Variants in PPIP5K2 observed in about 807,000 individuals in gnomAD.
The protein encoded by PPIP5K2 is inositol hexakisphosphate and diphosphoinositol-pentakisphosphate kinase 2.
A neutral mutation model predicts 154.6 loss-of-function variants in PPIP5K2; 105 were observed. That is an observed-to-expected ratio of 0.68 (90% CI 0.58 to 0.80). The LOEUF is 0.80. Among genes scored for constraint, PPIP5K2 ranks in the 30% least tolerant of loss-of-function variants. The pLI is 0.00. For missense variants in PPIP5K2, 992 were observed against 1,504.6 expected (o/e 0.66, Z 5.64); for synonymous variants, 480 against 490.3 (o/e 0.98, Z 0.28).
intron 30 of PPIP5K2, 30 bp from the exon 31 acceptor site, chr5:103,201,492 G>GT (rs371804029): frequency 0.053 from 56,547 of 1,076,864 alleles, no homozygotes; most frequent in South Asian, 0.12. Context: ...TTAAGCAATA[G>GT]TTTTTTTTTT....
chr5:103,187,528 A>G (rs78288429), intron 28 of PPIP5K2, among the ~76,000 whole-genome samples, 152 bp downstream of exon 28: 2 of 152,116 alleles, frequency 1.3e-5, no homozygotes, highest in East Asian at 3.8e-4. Flanking sequence ...CACCCAAATT[A>G]TTGATACTGT....
intron 18 of PPIP5K2, 118 bp from the exon 19 acceptor site, chr5:103,167,953 TC>T: frequency 1.6e-6 from 1 of 631,126 alleles, no homozygotes; most frequent in Non-Finnish European, 2.6e-6. Flanking sequence ...AAAGTAACTC[TC>T]TAACTTCATA....
Position 103,209,446 on chromosome 5 carries a change from C to T in PPIP5K2, c.*7812C>T, listed in dbSNP as rs1554232467. On this transcript the variant is annotated 3_prime_UTR_variant, in exon 31 of 31. Coordinates refer to ENST00000358359, the MANE Select transcript of PPIP5K2 (RefSeq NM_001276277.3). ...AATAAAATCAAGGATACCATCCCAC[C>T]CACCTATCTTACATTTTGTGTGGTA... is the stretch of plus-strand genomic sequence containing the variant. 1 of 151,946 alleles carries T rather than the reference C, an allele frequency of 6.6e-6. No homozygotes were observed. The highest frequency in any genetic ancestry group is 2.4e-5 in the African/African-American group (1 of 41,380). The allele number at this position is 151,946 out of a possible 1,614,324, so 9.4% of individuals were successfully genotyped here.
At chr5:103,142,514 C>T (rs550581120) in intron 5 of PPIP5K2, among the ~76,000 whole-genome samples, 1 of 152,256 alleles carries the variant, frequency 6.6e-6, no homozygotes, top group Non-Finnish European at 1.5e-5. Flanking sequence ...AAGGGCTCCT[C>T]AAGCGCCGCC....
chr5:103,147,993 A>C lies in PPIP5K2; in HGVS notation c.705A>C (p.Ile235=), dbSNP rs781794858. 6.2e-7 allele frequency: 1 copy of C among 1,602,296 alleles called. No homozygotes were observed. Among genetic ancestry groups the C allele is most frequent in the Non-Finnish European group, 8.5e-7 (1 of 1,172,712 alleles). Residue 235 remains isoleucine (I), a synonymous_variant, in exon 7 of 31, where the codon ATA becomes ATC. Coordinates refer to ENST00000358359, the MANE Select transcript of PPIP5K2 (RefSeq NM_001276277.3). ...ATGTACGAAAAACAGGCTCATATAT[A>C]TATGAAGAGTTTATGCCCACAGATG... is the stretch of plus-strand genomic sequence containing the variant. ...ESNVRKTGSY[I]YEEFMPTDGT...
chr5:103,186,468 A>G, intron 27 of PPIP5K2, 29 bp downstream of exon 27: 1 of 1,613,280 alleles, frequency 6.2e-7, no homozygotes, highest in Non-Finnish European at 8.5e-7. Context: ...ACACAGATTC[A>G]TACCTACACC....
chr5:103,162,350 C>CTTTTTTTTTTTTT (rs200973581), intron 17 of PPIP5K2, among the ~76,000 whole-genome samples: 12 of 138,548 alleles, frequency 8.7e-5, no homozygotes, highest in African/African-American at 5.3e-5. Flanking sequence ...GATGTGTTTT[C>CTTTTTTTTTTTTT]TTTTTTTTTT....
chr5:103,180,752 AGG>A lies in PPIP5K2; in HGVS notation c.2922+565_2922+566del, dbSNP rs1213196870. On this transcript the variant is annotated intron_variant, in intron 24 of 30. Coordinates refer to ENST00000358359, the MANE Select transcript of PPIP5K2 (RefSeq NM_001276277.3). Reference sequence around the variant, plus strand: ...GTAGTCCCAGCTACTCAGGAGGCTGAGGCAGGAGAATGACGTGAATCCAGGAG... The same window carrying A: ...GTAGTCCCAGCTACTCAGGAGGCTGACAGGAGAATGACGTGAATCCAGGAG... 5.9e-5 allele frequency among the ~76,000 whole-genome samples: 9 copies of A among 151,726 alleles called. No homozygotes were observed. In the East Asian group the frequency reaches 1.7e-3, roughly 29 times the overall value.
intron 11 of PPIP5K2, 118 bp from the exon 12 acceptor site, chr5:103,154,552 A>C (rs1795109749): frequency 1.6e-6 from 1 of 614,950 alleles, no homozygotes; most frequent in Non-Finnish European, 2.7e-6. Flanking sequence ...CAGTACTTGA[A>C]ATCCTTAGAT....
At chr5:103,138,321 C>G in intron 4 of PPIP5K2, 63 bp from the exon 5 acceptor site, 1 of 959,042 alleles carries the variant, frequency 1.0e-6, no homozygotes, top group Non-Finnish European at 1.5e-6. Context: ...AAGAAAACTA[C>G]AATAATATAT....
chr5:103,186,127 GA>G (rs1218985852), intron 26 of PPIP5K2, among the ~76,000 whole-genome samples, 192 bp from the exon 27 acceptor site: 1 of 151,992 alleles, frequency 6.6e-6, no homozygotes, highest in African/African-American at 2.4e-5. Context: ...TATGATAAAT[GA>G]TAGTGGTGTT....
At chr5:103,189,564 T>C (rs1371457457) in intron 28 of PPIP5K2, among the ~76,000 whole-genome samples, 1 of 152,126 alleles carries the variant, frequency 6.6e-6, no homozygotes, top group Non-Finnish European at 1.5e-5. Context: ...CTTTAGTGCT[T>C]AATTTAGGTG....
rs1454817545 is a variant in PPIP5K2, at chr5:103,202,858, T to A, written c.*1224T>A. 6.6e-6 allele frequency: 1 copy of A among 152,250 alleles called. No individual in the cohort carries two copies. Among genetic ancestry groups the A allele is most frequent in the Non-Finnish European group, 1.5e-5 (1 of 67,984 alleles). The allele number at this position is 152,250 out of a possible 1,614,324, so 9.4% of individuals were successfully genotyped here. On this transcript the variant is annotated 3_prime_UTR_variant, in exon 31 of 31. Coordinates refer to ENST00000358359, the MANE Select transcript of PPIP5K2 (RefSeq NM_001276277.3). The stretch of plus-strand genomic sequence containing the variant: ...CTAAAGCTTTAGCTTGAAATTTATG[T>A]TTAGAAAAACTATTGATTTCCCATG...
chr5:103,197,101 G>A lies in PPIP5K2; in HGVS notation c.3619+2076G>A, dbSNP rs560813536. On this transcript the variant is annotated intron_variant, in intron 30 of 30. Coordinates refer to ENST00000358359, the MANE Select transcript of PPIP5K2 (RefSeq NM_001276277.3). ...TGATTTTGAAGAAATTTGCATCTGC[G>A]TTTGTGAAAGATAGGATACTGGTCT... Among the ~76,000 whole-genome samples the A allele has an allele frequency of 1.2e-4, 18 of 152,186 alleles. No homozygotes were observed. In the South Asian group the frequency reaches 3.3e-3, roughly 28 times the overall value.
At chr5:103,127,720 A>G (rs1469236955) in intron 1 of PPIP5K2, among the ~76,000 whole-genome samples, 1 of 152,214 alleles carries the variant, frequency 6.6e-6, no homozygotes, top group Admixed American at 6.5e-5. Context: ...ACTAATAGCA[A>G]CTAGCACAAG....
At chr5:103,187,992 C>G (rs1228471869) in intron 28 of PPIP5K2, among the ~76,000 whole-genome samples, 1 of 152,146 alleles carries the variant, frequency 6.6e-6, no homozygotes, top group Non-Finnish European at 1.5e-5. Context: ...TATTATCAAG[C>G]AACTAATTCC....
rs1176596304 is a variant in PPIP5K2 at position 103,201,381 on chromosome 5, A to C, written c.3620-141A>C. ...GAATTCTGAAAAGTAAAAGGTTAAA[A>C]ATGCTATATTAAATTTTTACATTTC... On this transcript the variant is annotated intron_variant, in intron 30 of 30. Coordinates refer to ENST00000358359, the MANE Select transcript of PPIP5K2 (RefSeq NM_001276277.3). 4 of 568,950 alleles carry C rather than the reference A, an allele frequency of 7.0e-6. No homozygotes were observed. The African/African-American group carries it at 7.8e-5, about 11-fold the overall frequency. 35.2% of individuals were successfully genotyped at this position (568,950 alleles called of 1,614,324 possible).
At chr5:103,151,898 T>C (rs1191130391) in intron 9 of PPIP5K2, among the ~76,000 whole-genome samples, 1 of 152,030 alleles carries the variant, frequency 6.6e-6, no homozygotes, top group African/African-American at 2.4e-5. Context: ...CCTGTTTTCT[T>C]TATACCTTGA....
At chr5:103,124,163 C>T (rs1789236104) in intron 1 of PPIP5K2, among the ~76,000 whole-genome samples, 1 of 151,610 alleles carries the variant, frequency 6.6e-6, no homozygotes, top group African/African-American at 2.4e-5. Context: ...GCCTGTAGTC[C>T]CAGCTACTTG....
Sources: gnomAD v4.1 joint callset for allele counts (sites outside exome capture counted in the v4.1 genomes callset) on GRCh38, gnomAD v4.1.1 for gene constraint, MANE v1.5 for transcripts, NCBI Gene and HGNC (gene_info 2026-07-23, HGNC 2026-07-21) for gene names.